The following AMBP variants were observed in gnomAD, a reference collection of about 807,000 sequenced individuals.
AMBP encodes alpha-1-microglobulin/bikunin precursor, also known as protein AMBP.
Under a neutral mutation model 46.3 loss-of-function variants are expected in AMBP, and 37 were observed. The ratio of observed to expected loss-of-function variants is 0.80; its 90% CI spans 0.61 to 1.05. AMBP has a LOEUF of 1.05. Ranked by LOEUF, AMBP falls within the 50% of genes least tolerant of loss-of-function variation. AMBP has a pLI of 0.00. For missense variants in AMBP, 475 were observed against 461.2 expected (o/e 1.03, Z -0.27); for synonymous variants, 174 against 175.9 (o/e 0.99, Z 0.09).
rs376538830 is a variant in AMBP, at chr9:114,060,883, A to G, written c.1027+42T>C. The stretch of plus-strand genomic sequence containing the variant: ...CCAGGGCTCTCCCACCTCGACTCCA[A>G]CAGCCCCTCGGCCCAGCCTGGCACC... On this transcript the variant is annotated intron_variant, in intron 9 of 9. Coordinates refer to ENST00000265132, the MANE Select transcript of AMBP (RefSeq NM_001633.4). 2.5e-5 allele frequency: 39 copies of G among 1,589,724 alleles called. No homozygotes were observed. In the African/African-American group the frequency reaches 4.7e-4, roughly 19 times the overall value.
In AMBP at chr9:114,075,027, G is replaced by A; in HGVS notation, c.270C>T (p.Val90=). 6.2e-7 allele frequency: 1 copy of A among 1,613,998 alleles called. No individual in the cohort carries two copies. The highest frequency in any genetic ancestry group is 1.1e-5 in the South Asian group (1 of 91,052). ...SMTSTRWRKG[V]CEETSGAYEK... The stretch of plus-strand genomic sequence containing the variant: ...CATAAGCTCCAGACGTCTCCTCACA[G>A]ACACCTTTCCTAGAAATGAACAAAT... Residue 90 remains valine (V), a synonymous_variant, in exon 3 of 10, where the codon GTC becomes GTT. Coordinates refer to ENST00000265132, the MANE Select transcript of AMBP (RefSeq NM_001633.4).
At chr9:114,075,138 GTTTT>G in intron 2 of AMBP, 102 bp from the exon 3 acceptor site, 2 of 877,092 alleles carry the variant, frequency 2.3e-6, no homozygotes, top group South Asian at 1.6e-5. Flanking sequence ...TGGTTTTGGG[GTTTT>G]TTTGTTTGTG....
At position 114,075,187 on chromosome 9, in the gene AMBP, T is replaced by C. The variant is rs1406508060; in HGVS notation, c.261-151A>G. ...TTGCTTTTTAATTCGGAAATGAACA[T>C]TTCCAAATGTCTTGTTTAATCCTCA... On this transcript the variant is annotated intron_variant, in intron 2 of 9. Coordinates refer to ENST00000265132, the MANE Select transcript of AMBP (RefSeq NM_001633.4). 8.1e-6 allele frequency: 5 copies of C among 619,792 alleles called. No individual in the cohort carries two copies. In the East Asian group the frequency reaches 1.4e-4, roughly 17 times the overall value. 38.4% of individuals were successfully genotyped at this position (619,792 alleles called of 1,614,324 possible).
intron 6 of AMBP, among the ~76,000 whole-genome samples, chr9:114,066,087 T>G (rs1846690349): frequency 6.6e-6 from 1 of 152,058 alleles, no homozygotes; most frequent in African/African-American, 2.4e-5. Flanking sequence ...CATGCGCACC[T>G]CCCAGACTGA....
At position 114,061,454 on chromosome 9, in the gene AMBP, T is replaced by C. The variant is rs775771189; in HGVS notation, c.823A>G (p.Lys275Glu). The C allele has an allele frequency of 1.2e-6, 2 of 1,614,100 alleles. No homozygotes were observed. The highest frequency in any genetic ancestry group is 1.7e-6 in the Non-Finnish European group (2 of 1,180,000). Reference sequence around the variant, plus strand: ...GTTCGGCAGGTCTGCAGACACTCCTTTTCTGTGACGAAGTTGTTACCGTTG... The same window carrying C: ...GTTCGGCAGGTCTGCAGACACTCCTCTTCTGTGACGAAGTTGTTACCGTTG... ...MGNGNNFVTE[K>E]ECLQTCRTVA... is the part of the protein sequence containing the mutation. Residue 275 changes from lysine (K) to glutamate (E), a missense_variant, in exon 8 of 10, where the codon AAG becomes GAG. This residue lies in a region of AMBP where 293 missense variants were observed against 276.9 expected (regional missense o/e 1.06). Coordinates refer to ENST00000265132, the MANE Select transcript of AMBP (RefSeq NM_001633.4).
rs1846654339 is a variant in AMBP at position 114,062,732 on chromosome 9, T to C, written c.630A>G (p.Gln210=). 6.2e-7 allele frequency: 1 copy of C among 1,614,124 alleles called. No individual in the cohort carries two copies. The highest frequency in any genetic ancestry group is 1.3e-5 in the African/African-American group (1 of 75,026). The stretch of plus-strand genomic sequence containing the variant: ...GCCCACCCCCTGATCCTTCCTCTTC[T>C]TGGGGTAGCACAGCCCTCCGGACTC... The part of the protein sequence containing the change: ...IPRVRRAVLP[Q]EEEGSGGGQL... The change falls in exon 7 of 10, where the codon CAA becomes CAG. Residue 210 remains glutamine, a synonymous_variant. Transcript: ENST00000265132.
At chr9:114,065,480 A>G (rs7020477) in intron 6 of AMBP, among the ~76,000 whole-genome samples, 30,496 of 152,138 alleles carry the variant, frequency 0.2, 3,525 homozygotes, top group Middle Eastern at 0.31. Context: ...AACCCTACCA[A>G]CAACTTGATC....
chr9:114,061,865 T>G (rs1300796019), intron 7 of AMBP, among the ~76,000 whole-genome samples: 1 of 151,882 alleles, frequency 6.6e-6, no homozygotes, highest in Admixed American at 6.6e-5. Flanking sequence ...CCTGTATTGG[T>G]CTTGCCTGCC....
chr9:114,064,500 G>C (rs1846673293), intron 6 of AMBP, among the ~76,000 whole-genome samples: 1 of 152,128 alleles, frequency 6.6e-6, no homozygotes, highest in Non-Finnish European at 1.5e-5. Flanking sequence ...GTGAGAAACG[G>C]GAAATAGAAG....
chr9:114,067,715 C>T (rs181592537), intron 6 of AMBP, among the ~76,000 whole-genome samples: 12 of 152,136 alleles, frequency 7.9e-5, no homozygotes, highest in African/African-American at 2.4e-4. Context: ...TAGCAATAAT[C>T]GGCGCTTGAG....
At chr9:114,065,066 A>G (rs1042130318) in intron 6 of AMBP, among the ~76,000 whole-genome samples, 1 of 152,192 alleles carries the variant, frequency 6.6e-6, no homozygotes, top group Non-Finnish European at 1.5e-5. Flanking sequence ...AGGATGGATT[A>G]TATCACACCA....
At chr9:114,070,892 T>C (rs1283041124) in intron 5 of AMBP, among the ~76,000 whole-genome samples, 1 of 152,074 alleles carries the variant, frequency 6.6e-6, no homozygotes, top group African/African-American at 2.4e-5. Context: ...CTGCAATCCA[T>C]TCCTGGAAGC....
intron 6 of AMBP, among the ~76,000 whole-genome samples, chr9:114,068,477 G>A (rs1157145934): frequency 6.6e-6 from 1 of 151,760 alleles, no homozygotes; most frequent in Non-Finnish European, 1.5e-5. Context: ...GTGGTAGTGG[G>A]CACCTGTAAT....
At chr9:114,068,828 A>C (rs964022910) in intron 6 of AMBP, among the ~76,000 whole-genome samples, 3 of 151,222 alleles carry the variant, frequency 2.0e-5, no homozygotes, top group East Asian at 1.9e-4. Context: ...AAAAAAAAAA[A>C]AAAACCTTTA....
At position 114,072,016 on chromosome 9, in the gene AMBP, G is replaced by T. The variant is rs187367082; in HGVS notation, c.556+909C>A. Among the ~76,000 whole-genome samples the T allele has an allele frequency of 4.6e-5, 7 of 152,342 alleles. No homozygotes were observed. In the East Asian group the frequency reaches 1.4e-3, roughly 29 times the overall value. On this transcript the variant is annotated intron_variant, in intron 5 of 9. Coordinates refer to ENST00000265132, the MANE Select transcript of AMBP (RefSeq NM_001633.4). The stretch of plus-strand genomic sequence containing the variant: ...CATCTCGCTCACCCTACATTTGTCT[G>T]TGTACCTCATTCTTTCTGGTCACAG...
intron 4 of AMBP, 96 bp from the exon 5 acceptor site, chr9:114,073,122 A>T: frequency 9.0e-7 from 1 of 1,106,796 alleles, no homozygotes; most frequent in Non-Finnish European, 1.3e-6. Context: ...ACTTAGGGAA[A>T]ATTTGAAAAC....
At position 114,076,682 on chromosome 9, in the gene AMBP, A is replaced by T. The variant is rs775583246; in HGVS notation, c.176T>A (p.Ile59Asn). 1 of 1,613,718 alleles carries T rather than the reference A, an allele frequency of 6.2e-7. No individual in the cohort carries two copies. Among genetic ancestry groups the T allele is most frequent in the African/African-American group, 1.3e-5 (1 of 74,898 alleles). The part of the protein sequence containing the change: ...IGSTCPWLKK[I>N]MDRMTVSTLV... The stretch of plus-strand genomic sequence containing the variant: ...CGTGCTCACTGTCATCCTGTCCATG[A>T]TCTTCTTCAGCCAGGGGCAGGTGGA... Residue 59 changes from isoleucine (I) to asparagine (N), a missense_variant, in exon 2 of 10, where the codon ATC becomes AAC. Transcript: ENST00000265132.
intron 3 of AMBP, 24 bp downstream of exon 3, chr9:114,074,936 T>A: frequency 3.1e-6 from 5 of 1,600,264 alleles, no homozygotes; most frequent in Non-Finnish European, 3.4e-6. Flanking sequence ...AGAGAATGCA[T>A]GTGTCTCTTT....
At chr9:114,073,073 G>A in intron 4 of AMBP, 47 bp from the exon 5 acceptor site, 2 of 1,530,388 alleles carry the variant, frequency 1.3e-6, no homozygotes, top group East Asian at 2.3e-5. Flanking sequence ...CAGGTGCTTG[G>A]AGTGGAAGGG....
Sources: gnomAD v4.1 joint callset for allele counts (sites outside exome capture counted in the v4.1 genomes callset) on GRCh38, gnomAD v4.1.1 for gene constraint, gnomAD v4.1.1 regional missense constraint, MANE v1.5 for transcripts, NCBI Gene and HGNC (gene_info 2026-07-23, HGNC 2026-07-21) for gene names.